INSR: variants seen among roughly 807,000 people sequenced by gnomAD.
The protein encoded by INSR is IR.
Under a neutral mutation model 142.6 loss-of-function variants are expected in INSR, and 67 were observed. The ratio of observed to expected loss-of-function variants is 0.47; its 90% CI spans 0.39 to 0.58. The LOEUF (loss-of-function observed/expected upper bound fraction) is 0.58, where lower values mean the gene tolerates loss of function less well. INSR is among the 20% of genes least tolerant of loss of function. The pLI is 0.00. For synonymous variants in INSR, 756 were observed against 743.1 expected, an observed-to-expected ratio of 1.02 and a Z score of -0.28; for missense variants, 1,248 against 1,833.2, an observed-to-expected ratio of 0.68 and a Z score of 5.83.
At chr19:7,147,170 A>G (rs1973205114) in intron 11 of INSR, among the ~76,000 whole-genome samples, 1 of 151,918 alleles carries the variant, frequency 6.6e-6, no homozygotes, top group Non-Finnish European at 1.5e-5. Context: ...GTAAGTGTTT[A>G]ACTTTTTAAC....
At chr19:7,280,325 T>C (rs1968173734) in intron 1 of INSR, among the ~76,000 whole-genome samples, 1 of 152,046 alleles carries the variant, frequency 6.6e-6, no homozygotes, top group South Asian at 2.1e-4. Flanking sequence ...ACGCCTGTAA[T>C]TCCAGCACTT....
intron 9 of INSR, 95 bp downstream of exon 9, chr19:7,162,937 C>A (rs1253049907): frequency 8.4e-7 from 1 of 1,197,528 alleles, no homozygotes; most frequent in Non-Finnish European, 1.2e-6. Context: ...CACTGAGACA[C>A]AGGAAGAGAT....
intron 9 of INSR, among the ~76,000 whole-genome samples, chr19:7,154,095 A>G (rs1354026714): frequency 8.3e-4 from 125 of 151,286 alleles, no homozygotes; most frequent in African/African-American, 2.9e-3. Flanking sequence ...TGGGAGGTGG[A>G]GGTTGCAGTG....
intron 13 of INSR, among the ~76,000 whole-genome samples, chr19:7,140,206 A>G (rs1377059230): frequency 6.6e-6 from 1 of 152,206 alleles, no homozygotes; most frequent in Non-Finnish European, 1.5e-5. Flanking sequence ...CAGGAGGGGT[A>G]GAGGGAGGTC....
At position 7,154,030 on chromosome 19, in the gene INSR, G is replaced by A. The variant is rs544211462; in HGVS notation, c.2030-1103C>T. Among the ~76,000 whole-genome samples, 6 of 151,878 alleles carry A rather than the reference G, an allele frequency of 4.0e-5. No homozygotes were observed. The South Asian group carries it at 1.2e-3, about 32-fold the overall frequency. On this transcript the variant is annotated intron_variant, in intron 9 of 21. Coordinates refer to ENST00000302850, the MANE Select transcript of INSR (RefSeq NM_000208.4). ...ACAAAAATTAGCCAGGTGTAGTGGC[G>A]CATGCCTGTAATCCCAGCTACTCAG...
chr19:7,172,735 A>G (rs1284939569), intron 4 of INSR, among the ~76,000 whole-genome samples: 2 of 152,096 alleles, frequency 1.3e-5, no homozygotes, highest in African/African-American at 4.8e-5. Context: ...AGACTTCTCT[A>G]AAATAGCAAC....
intron 1 of INSR, among the ~76,000 whole-genome samples, chr19:7,268,782 C>CCT (rs112937708): frequency 0.23 from 34,521 of 151,842 alleles, 4,291 homozygotes; most frequent in Non-Finnish European, 0.29. Flanking sequence ...AAACATATAA[C>CCT]AGTCATCTCT....
chr19:7,126,692 T>C, intron 15 of INSR, 41 bp from the exon 16 acceptor site: 1 of 1,535,758 alleles, frequency 6.5e-7, no homozygotes, highest in Non-Finnish European at 8.8e-7. Context: ...GAGATTCTCA[T>C]GGGACTCTGC....
chr19:7,293,859 G>A lies in INSR; in HGVS notation c.33C>T (p.Ala11=). The A allele has an allele frequency of 1.6e-6, 2 of 1,248,098 alleles. No homozygotes were observed. Among genetic ancestry groups the A allele is most frequent in the Admixed American group, 4.4e-5 (1 of 22,984 alleles). 77.3% of individuals were successfully genotyped at this position (1,248,098 alleles called of 1,614,324 possible). ...CGGCCACCGCCACCAGCAGCGGCGCGGCCGCCGCCCCCCGCCGGCCCCCGG... is the reference window on the plus strand; with the variant it reads ...CGGCCACCGCCACCAGCAGCGGCGCAGCCGCCGCCCCCCGCCGGCCCCCGG... MATGGRRGAA[A]APLLVAVAAL... is the part of the protein sequence containing the mutation. The change falls in exon 1 of 22, where the codon GCC becomes GCT. Residue 11 remains alanine, a synonymous_variant. Transcript: ENST00000302850.
intron 2 of INSR, among the ~76,000 whole-genome samples, chr19:7,238,743 C>G (rs970383484): frequency 2.0e-5 from 3 of 151,704 alleles, no homozygotes; most frequent in Non-Finnish European, 4.4e-5. Flanking sequence ...TTTTGTACTG[C>G]CCTCCATTCC....
intron 9 of INSR, 62 bp downstream of exon 9, chr19:7,162,970 C>T: frequency 6.4e-7 from 1 of 1,566,476 alleles, no homozygotes; most frequent in Non-Finnish European, 8.8e-7. Context: ...AGAGGTGAAG[C>T]AAAGTGCATC....
chr19:7,165,541 T>G (rs939644180), intron 8 of INSR, among the ~76,000 whole-genome samples: 2 of 152,004 alleles, frequency 1.3e-5, no homozygotes, highest in Admixed American at 1.3e-4. Context: ...CGTCTGAAAC[T>G]ATAAGCCTCA....
intron 1 of INSR, among the ~76,000 whole-genome samples, chr19:7,269,394 C>G (rs1967848063): frequency 8.2e-6 from 1 of 121,560 alleles, no homozygotes; most frequent in East Asian, 2.0e-4. Flanking sequence ...CACACACACA[C>G]ACACACACAC....
At chr19:7,246,691 T>G (rs1426474640) in intron 2 of INSR, among the ~76,000 whole-genome samples, 1 of 152,150 alleles carries the variant, frequency 6.6e-6, no homozygotes, top group Non-Finnish European at 1.5e-5. Context: ...GTTCCCAGTT[T>G]TATGTTTCAG....
At position 7,197,583 on chromosome 19, in the gene INSR, T is replaced by G. The variant is rs901183183; in HGVS notation, c.653-12946A>C. Among the ~76,000 whole-genome samples, 131 of 74,242 alleles carry G rather than the reference T, an allele frequency of 1.8e-3. 13 individuals carry two copies. The highest frequency in any genetic ancestry group is 3.1e-3 in the Non-Finnish European group (91 of 29,492). 48.7% of individuals were successfully genotyped at this position (74,242 alleles called of 152,430 possible). On this transcript the variant is annotated intron_variant, in intron 2 of 21. Coordinates refer to ENST00000302850, the MANE Select transcript of INSR (RefSeq NM_000208.4). Reference sequence around the variant, plus strand: ...GTGGGAGTGTGTGTGTTTGGGTGTGTGTGTGTGTGTGTGTGTCAGATTCCA... The same window carrying G: ...GTGGGAGTGTGTGTGTTTGGGTGTGGGTGTGTGTGTGTGTGTCAGATTCCA...
chr19:7,289,145 G>C (rs1968423442), intron 1 of INSR, among the ~76,000 whole-genome samples: 1 of 152,014 alleles, frequency 6.6e-6, no homozygotes, highest in Non-Finnish European at 1.5e-5. Context: ...GAGGGGTCAA[G>C]TGAGGTGAGG....
At chr19:7,270,994 G>A (rs566949056) in intron 1 of INSR, among the ~76,000 whole-genome samples, 37 of 151,164 alleles carry the variant, frequency 2.4e-4, no homozygotes, top group Non-Finnish European at 3.7e-4. Flanking sequence ...CCCGGGAGGC[G>A]GAGCTTGCAG....
At chr19:7,254,928 C>T (rs1470479890) in intron 2 of INSR, among the ~76,000 whole-genome samples, 2 of 152,126 alleles carry the variant, frequency 1.3e-5, no homozygotes, top group Non-Finnish European at 2.9e-5. Flanking sequence ...CTTTCCATTA[C>T]GATGGATTTT....
At position 7,119,436 on chromosome 19, in the gene INSR, T is replaced by A. The variant is rs772119949; in HGVS notation, c.3794+13A>T. On this transcript the variant is annotated intron_variant, in intron 21 of 21. Coordinates refer to ENST00000302850, the MANE Select transcript of INSR (RefSeq NM_000208.4). The surrounding 1 kb of genome is among the most constrained non-coding windows in gnomAD (Gnocchi z 5.2). ...CGAACACCTCACACACCTTAAACCC[T>A]TTCTACACTTACACTCTCTCTGGAC... is the stretch of plus-strand genomic sequence containing the variant. 3 of 1,614,006 alleles carry A rather than the reference T, an allele frequency of 1.9e-6. No individual in the cohort carries two copies. The highest frequency in any genetic ancestry group is 2.5e-6 in the Non-Finnish European group (3 of 1,180,002).
Sources: allele counts gnomAD v4.1 joint callset (sites outside exome capture counted in the v4.1 genomes callset), GRCh38; gene constraint gnomAD v4.1.1; non-coding constraint Gnocchi (gnomAD v3.1); transcripts MANE v1.5; gene names NCBI Gene and HGNC (gene_info 2026-07-23, HGNC 2026-07-21).